Variants in TPRG1 observed in about 807,000 individuals in gnomAD.
TPRG1 encodes tumor protein p63 regulated 1, also known as tumor protein p63-regulated gene 1 protein.
In TPRG1, 29 loss-of-function variants were observed where a neutral mutation model predicts 29.3. The ratio of observed to expected loss-of-function variants is 0.99; its 90% confidence interval spans 0.74 to 1.35. The LOEUF (loss-of-function observed/expected upper bound fraction) is 1.35. Ranked by LOEUF, TPRG1 falls within the 40% of genes most tolerant of loss-of-function variation. TPRG1 has a pLI of 0.00. For missense variants in TPRG1, 327 were observed against 335.0 expected (o/e 0.98, Z 0.19); for synonymous variants, 130 against 116.8 (o/e 1.11, Z -0.73).
intron 3 of TPRG1, among the ~76,000 whole-genome samples, chr3:189,006,712 TA>T (rs890206413): frequency 2.0e-5 from 3 of 151,516 alleles, no homozygotes; most frequent in African/African-American, 7.2e-5. Context: ...AGTCCCAGTT[TA>T]AAAAAAAATG....
Position 189,323,431 on chromosome 3 carries a change from G to A in TPRG1, c.*2611G>A, listed in dbSNP as rs988400653. On this transcript the variant is annotated 3_prime_UTR_variant, in exon 6 of 6. Coordinates refer to ENST00000345063, the MANE Select transcript of TPRG1 (RefSeq NM_198485.4). ...TGCTTATTTCATAAAGATCTTGTGA[G>A]GATTCAATGAAATGAGGTTAAATTC... 71 of 152,054 alleles carry A rather than the reference G, an allele frequency of 4.7e-4. No individual in the cohort carries two copies. Among genetic ancestry groups the A allele is most frequent in the African/African-American group, 1.6e-3 (66 of 41,406 alleles). 9.4% of individuals were successfully genotyped at this position (152,054 alleles called of 1,614,324 possible).
chr3:189,214,768 G>A (rs567416490), intron 2 of TPRG1, among the ~76,000 whole-genome samples: 1 of 152,202 alleles, frequency 6.6e-6, no homozygotes, highest in South Asian at 2.1e-4. Context: ...TAGAACAGAT[G>A]ACAATCAATC....
intron 1 of TPRG1, among the ~76,000 whole-genome samples, chr3:189,172,953 G>C (rs568984870): frequency 6.6e-6 from 1 of 152,146 alleles, no homozygotes; most frequent in African/African-American, 2.4e-5. Flanking sequence ...GTGGTATGTA[G>C]AAAAGCAAAT....
intron 1 of TPRG1, among the ~76,000 whole-genome samples, chr3:189,201,983 G>A (rs1157001137): frequency 2.6e-5 from 4 of 151,944 alleles, no homozygotes; most frequent in African/African-American, 9.7e-5. Flanking sequence ...GTTGTGAGAG[G>A]GAAAAACACC....
chr3:189,002,270 CA>C (rs2152121442), intron 2 of TPRG1, among the ~76,000 whole-genome samples: 1 of 152,032 alleles, frequency 6.6e-6, no homozygotes, highest in East Asian at 1.9e-4. Context: ...GTCTCCTCCA[CA>C]GAGGCCAACA....
At chr3:189,251,643 C>T (rs1742279465) in intron 4 of TPRG1, among the ~76,000 whole-genome samples, 1 of 152,144 alleles carries the variant, frequency 6.6e-6, no homozygotes, top group African/African-American at 2.4e-5. Flanking sequence ...ACCAAGGTCT[C>T]TGCATCATAG....
intron 3 of TPRG1, among the ~76,000 whole-genome samples, chr3:189,230,890 A>G (rs986281538): frequency 6.6e-6 from 1 of 152,170 alleles, no homozygotes; most frequent in Admixed American, 6.5e-5. Flanking sequence ...CAGTAACTTC[A>G]CTTTTCAGCT....
At chr3:189,201,240 C>A (rs549682093) in intron 1 of TPRG1, among the ~76,000 whole-genome samples, 1 of 152,324 alleles carries the variant, frequency 6.6e-6, no homozygotes, top group East Asian at 1.9e-4. Flanking sequence ...TAGATGAGTG[C>A]TGAACAGCCA....
intron 2 of TPRG1, among the ~76,000 whole-genome samples, chr3:189,128,251 C>T (rs1722712124): frequency 1.3e-5 from 2 of 152,106 alleles, no homozygotes; most frequent in South Asian, 4.1e-4. Context: ...GAGCATGGGC[C>T]GCCATGGCCC....
chr3:189,316,640 A>G (rs1161291143), intron 5 of TPRG1, among the ~76,000 whole-genome samples: 1 of 152,202 alleles, frequency 6.6e-6, no homozygotes, highest in Admixed American at 6.5e-5. Context: ...TGGAAAGTCA[A>G]GAATAATACG....
At chr3:189,086,761 G>A (rs956040347) in intron 4 of TPRG1, among the ~76,000 whole-genome samples, 3 of 152,060 alleles carry the variant, frequency 2.0e-5, no homozygotes, top group Non-Finnish European at 4.4e-5. Context: ...TCCTGGAGGA[G>A]TTTTTTTGTT....
At chr3:189,018,717 C>G (rs1279441317) in intron 3 of TPRG1, among the ~76,000 whole-genome samples, 1 of 151,732 alleles carries the variant, frequency 6.6e-6, no homozygotes, top group Non-Finnish European at 1.5e-5. Flanking sequence ...ATTGCAGGCT[C>G]TTTTTTGGTT....
chr3:189,157,149 G>C (rs7643011), intron 5 of TPRG1, among the ~76,000 whole-genome samples: 60,188 of 151,714 alleles, frequency 0.4, 12,144 homozygotes, highest in South Asian at 0.54. Flanking sequence ...TTTCAAAGAG[G>C]CTTCATGGGG....
chr3:189,164,639 A>T (rs1327241130), intron 5 of TPRG1, among the ~76,000 whole-genome samples: 1 of 148,122 alleles, frequency 6.8e-6, no homozygotes, highest in African/African-American at 2.5e-5. Context: ...CTTTTTTTTA[A>T]AAAAAAAAGG....
At chr3:189,146,449 A>G (rs1042470198) in intron 3 of TPRG1, among the ~76,000 whole-genome samples, 5 of 152,214 alleles carry the variant, frequency 3.3e-5, no homozygotes, top group African/African-American at 1.2e-4. Context: ...AGACATCATA[A>G]TGGATTCTCA....
intron 4 of TPRG1, among the ~76,000 whole-genome samples, chr3:189,089,403 T>A (rs1416892814): frequency 1.3e-5 from 2 of 152,232 alleles, no homozygotes; most frequent in African/African-American, 4.8e-5. Flanking sequence ...TTTACTGGCA[T>A]AACTTATAAA....
chr3:189,317,193 G>T (rs187798759), intron 5 of TPRG1, among the ~76,000 whole-genome samples: 44 of 152,262 alleles, frequency 2.9e-4, no homozygotes, highest in African/African-American at 8.7e-4. Context: ...CTATGAAAAG[G>T]CATCCTGATA....
chr3:189,022,544 G>C (rs570367919), intron 3 of TPRG1, among the ~76,000 whole-genome samples: 1 of 151,540 alleles, frequency 6.6e-6, no homozygotes, highest in Non-Finnish European at 1.5e-5. Flanking sequence ...TAGGCTGCTC[G>C]GGGGTCAGGG....
At chr3:189,004,109 G>A (rs1336298638) in intron 2 of TPRG1, among the ~76,000 whole-genome samples, 1 of 152,040 alleles carries the variant, frequency 6.6e-6, no homozygotes, top group Non-Finnish European at 1.5e-5. Context: ...TGAGCACCAG[G>A]TTTTCTTTAA....
Sources: allele counts gnomAD v4.1 joint callset (sites outside exome capture counted in the v4.1 genomes callset), GRCh38; gene constraint gnomAD v4.1.1; transcripts MANE v1.5; gene names NCBI Gene and HGNC (gene_info 2026-07-23, HGNC 2026-07-21).